The following PKIB variants were observed in gnomAD, a reference collection of about 807,000 sequenced individuals.
PKIB encodes the protein PKI-beta.
In PKIB, 2 loss-of-function variants were observed where a neutral mutation model predicts 4.5. The ratio of observed to expected loss-of-function variants is 0.44; its 90% CI spans 0.18 to 1.39. PKIB has a LOEUF of 1.39. PKIB is among the 40% of genes most tolerant of loss of function. The pLI is 0.27. For synonymous variants in PKIB, 38 were observed against 36.0 expected (o/e 1.06, Z -0.20); for missense variants, 94 against 92.6 (o/e 1.02, Z -0.06).
chr6:122,697,238 C>T (rs976821543), intron 3 of PKIB, among the ~76,000 whole-genome samples: 1 of 151,912 alleles, frequency 6.6e-6, no homozygotes, highest in East Asian at 1.9e-4. Context: ...GTGCCTGGTC[C>T]CCTTCATAAG....
intron 2 of PKIB, among the ~76,000 whole-genome samples, chr6:122,670,275 C>T (rs184283178): frequency 1.3e-3 from 193 of 152,132 alleles, no homozygotes; most frequent in African/African-American, 4.3e-3. Context: ...TGGCTGTGTA[C>T]CCAGCTAAAC....
At chr6:122,506,867 T>G (rs963114694) in intron 2 of PKIB, among the ~76,000 whole-genome samples, 1 of 150,512 alleles carries the variant, frequency 6.6e-6, no homozygotes, top group South Asian at 2.1e-4. Flanking sequence ...GCCCGGCTAA[T>G]TTTTTTTGTA....
At chr6:122,530,990 C>G (rs757294596) in intron 2 of PKIB, 1 of 152,170 alleles carries the variant, frequency 6.6e-6, no homozygotes, top group African/African-American at 2.4e-5. Flanking sequence ...GTGGTTCTCA[C>G]AGGATATTCT....
At chr6:122,618,132 C>T (rs1378788354) in intron 1 of PKIB, among the ~76,000 whole-genome samples, 1 of 152,130 alleles carries the variant, frequency 6.6e-6, no homozygotes, top group East Asian at 1.9e-4. Flanking sequence ...AATTTCACTG[C>T]ACCCTGTGGT....
rs140816822 is a variant in PKIB, at chr6:122,593,921, C to T, written c.-161+7914C>T. 2.0e-3 allele frequency among the ~76,000 whole-genome samples: 309 copies of T among 152,242 alleles called. 7 individuals are homozygous for T. The East Asian group carries it at 0.041, about 20-fold the overall frequency. On this transcript the variant is annotated intron_variant, in intron 3 of 6. Coordinates refer to the PKIB transcript ENST00000392491. ...CTCACAGACACACCCAGGATCAATA[C>T]TTTGTATCCTTCAATGCAATCAAGT...
chr6:122,711,802 T>C (rs1467707509), intron 3 of PKIB, among the ~76,000 whole-genome samples: 1 of 152,200 alleles, frequency 6.6e-6, no homozygotes, highest in African/African-American at 2.4e-5. Context: ...AAAATTAATT[T>C]GACTTTGCAT....
At chr6:122,537,155 CTTTAT>C (rs1188830901) in intron 2 of PKIB, among the ~76,000 whole-genome samples, 2 of 151,752 alleles carry the variant, frequency 1.3e-5, no homozygotes, top group Admixed American at 6.6e-5. Context: ...ACAGAATCAA[CTTTAT>C]TTTATTTTAT....
intron 3 of PKIB, among the ~76,000 whole-genome samples, chr6:122,603,048 C>T (rs1032574543): frequency 1.3e-5 from 2 of 151,948 alleles, no homozygotes; most frequent in East Asian, 1.9e-4. Flanking sequence ...GTCCAATTCC[C>T]CAGGAACATC....
intron 1 of PKIB, among the ~76,000 whole-genome samples, chr6:122,618,717 G>A (rs35808189): frequency 6.6e-6 from 1 of 151,640 alleles, no homozygotes; most frequent in African/African-American, 2.4e-5. Flanking sequence ...TTCTGGTGAC[G>A]CTACAGAAAG....
intron 2 of PKIB, among the ~76,000 whole-genome samples, chr6:122,537,101 T>C (rs1777428641): frequency 6.6e-6 from 1 of 152,050 alleles, no homozygotes; most frequent in Non-Finnish European, 1.5e-5. Flanking sequence ...TTCCTCCTAG[T>C]TGCTTCTTTA....
At chr6:122,518,333 A>G (rs1776827041) in intron 2 of PKIB, among the ~76,000 whole-genome samples, 1 of 152,190 alleles carries the variant, frequency 6.6e-6, no homozygotes, top group Non-Finnish European at 1.5e-5. Flanking sequence ...AGAAGGGGAT[A>G]GAAGAAAATA....
chr6:122,600,955 G>A (rs895869451), intron 3 of PKIB, among the ~76,000 whole-genome samples: 3 of 151,934 alleles, frequency 2.0e-5, no homozygotes, highest in Non-Finnish European at 4.4e-5. Flanking sequence ...GAAAGATTGA[G>A]CATGTTAAAT....
At chr6:122,713,961 A>G (rs1015523157) in intron 3 of PKIB, among the ~76,000 whole-genome samples, 3 of 152,112 alleles carry the variant, frequency 2.0e-5, no homozygotes, top group African/African-American at 7.2e-5. Flanking sequence ...GATCTAATAC[A>G]TTCTTTAACA....
intron 2 of PKIB, among the ~76,000 whole-genome samples, chr6:122,486,951 AACT>A (rs71553710): frequency 0.55 from 83,428 of 151,310 alleles, 23,169 homozygotes; most frequent in South Asian, 0.68. Context: ...CTATCTATCT[AACT>A]ACTATTTTCT....
At chr6:122,601,312 CAAG>C (rs1774357061) in intron 3 of PKIB, among the ~76,000 whole-genome samples, 1 of 151,484 alleles carries the variant, frequency 6.6e-6, no homozygotes, top group Admixed American at 6.6e-5. Flanking sequence ...AAAATTATAT[CAAG>C]GATATAATAT....
chr6:122,561,055 C>G (rs1268302036), intron 2 of PKIB, among the ~76,000 whole-genome samples: 1 of 151,598 alleles, frequency 6.6e-6, no homozygotes, highest in Non-Finnish European at 1.5e-5. Context: ...CTGCTCTGAT[C>G]TTGGTAATTT....
rs539443706 is a variant in PKIB, at chr6:122,652,228, A to G, written c.-76+18861A>G. On this transcript the variant is annotated intron_variant, in intron 2 of 4. Transcript: ENST00000368452. Reference sequence around the variant, plus strand: ...TCTGACATAACTTTAGGTGCAATTTATGGAGAATGTACATGTATGTATATA... The same window carrying G: ...TCTGACATAACTTTAGGTGCAATTTGTGGAGAATGTACATGTATGTATATA... Among the ~76,000 whole-genome samples the G allele has an allele frequency of 3.3e-5, 5 of 152,080 alleles. 1 individual carries two copies. The South Asian group carries it at 1.0e-3, about 32-fold the overall frequency.
rs117926731 is a variant in PKIB, at chr6:122,641,434, T to C, written c.-76+8067T>C. On this transcript the variant is annotated intron_variant, in intron 2 of 4. Transcript: ENST00000368452. ...AATTTATGGCTTTATATATTACCAGTGCTGGGAACTTTTGAAAATGGCAAA... is the reference window on the plus strand; with the variant it reads ...AATTTATGGCTTTATATATTACCAGCGCTGGGAACTTTTGAAAATGGCAAA... 3.7e-4 allele frequency among the ~76,000 whole-genome samples: 56 copies of C among 152,256 alleles called. No homozygotes were observed. In the East Asian group the frequency reaches 0.01, roughly 28 times the overall value.
chr6:122,585,163 A>G (rs1773814984), intron 2 of PKIB, among the ~76,000 whole-genome samples: 1 of 152,274 alleles, frequency 6.6e-6, no homozygotes, highest in Middle Eastern at 3.4e-3. Flanking sequence ...CTGCTGCTGT[A>G]TGCTGTCACT....
Sources: gnomAD v4.1 joint callset for allele counts (sites outside exome capture counted in the v4.1 genomes callset) on GRCh38, gnomAD v4.1.1 for gene constraint, MANE v1.5 for transcripts, NCBI Gene and HGNC (gene_info 2026-07-23, HGNC 2026-07-21) for gene names.